Variants in CIDEC observed in about 807,000 individuals in gnomAD.
The protein encoded by CIDEC is cell death inducing DFFA like effector c, also known as lipid transferase CIDEC.
In CIDEC, 11 loss-of-function variants were observed where a neutral mutation model predicts 21.9. The observed-to-expected ratio is 0.50, with a 90% CI of 0.32 to 0.83. The LOEUF (loss-of-function observed/expected upper bound fraction) is 0.83. Ranked by LOEUF, CIDEC falls within the 40% of genes least tolerant of loss-of-function variation. The pLI is 0.04. For synonymous variants in CIDEC, 127 were observed against 124.9 expected, an observed-to-expected ratio of 1.02 and a Z score of -0.11; for missense variants, 302 against 302.3, an observed-to-expected ratio of 1.00 and a Z score of 0.01.
At chr3:9,868,385 G>T (rs1227542657) in intron 6 of CIDEC, among the ~76,000 whole-genome samples, 2 of 152,188 alleles carry the variant, frequency 1.3e-5, no homozygotes, top group Non-Finnish European at 2.9e-5. Context: ...ATCCATGCCT[G>T]GCATGAGCAT....
At position 9,869,869 on chromosome 3, in the gene CIDEC, C is replaced by T; in HGVS notation, c.554+13G>A. The T allele has an allele frequency of 1.9e-6, 3 of 1,611,966 alleles. No homozygotes were observed. Among genetic ancestry groups the T allele is most frequent in the Non-Finnish European group, 2.5e-6 (3 of 1,179,630 alleles). On this transcript the variant is annotated intron_variant, in intron 6 of 6. Transcript: ENST00000336832. ...GTACCCACCCTGTCCCCAGGAAATC[C>T]CAATTTGCTCACTTCATGATGCGCT...
intron 4 of CIDEC, among the ~76,000 whole-genome samples, chr3:9,870,932 G>A (rs1326151735): frequency 1.3e-5 from 2 of 151,282 alleles, no homozygotes; most frequent in Admixed American, 6.6e-5. Context: ...GTGCTATCAC[G>A]TCCGGACATA....
Position 9,870,053 on chromosome 3 carries a change from A to T in CIDEC, c.383T>A (p.Leu128Gln), listed in dbSNP as rs775886775. The change falls in exon 6 of 7, where the codon CTG becomes CAG. Residue 128 changes from leucine to glutamine, a missense_variant. By Grantham distance (113) the Leu-to-Gln change is moderately radical. Transcript: ENST00000336832. ...CTTGGCAGGCTTATGGGAGAGGGAC[A>T]GTGGGTGCCTTGTCCCCTGCATTGA... ...PPSEQGTRHP[L>Q]SLSHKPAKKI... 9 of 1,614,222 alleles carry T rather than the reference A, an allele frequency of 5.6e-6. No individual in the cohort carries two copies. Among genetic ancestry groups the T allele is most frequent in the South Asian group, 3.3e-5 (3 of 91,086 alleles).
At position 9,867,601 on chromosome 3, in the gene CIDEC, CAG is replaced by C. The variant is rs2082290342; in HGVS notation, c.555-307_555-306del. On this transcript the variant is annotated intron_variant, in intron 6 of 6. Transcript: ENST00000336832. ...CACCACTGCACTCCAGCCTGGGTGA[CAG>C]AGCAAGATTCAGTCTCAAAAAACAA... is the stretch of plus-strand genomic sequence containing the variant. Among the ~76,000 whole-genome samples the C allele has an allele frequency of 2.0e-5, 3 of 152,218 alleles. No homozygotes were observed. In the South Asian group the frequency reaches 6.2e-4, roughly 32 times the overall value.
chr3:9,871,873 G>A (rs1336566252), intron 4 of CIDEC, among the ~76,000 whole-genome samples: 4 of 152,144 alleles, frequency 2.6e-5, no homozygotes, highest in East Asian at 1.9e-4. Context: ...CAGTTGATCC[G>A]CCTGCCTCGG....
At chr3:9,867,321 A>T (rs760546939) in intron 6 of CIDEC, 25 bp from the exon 7 acceptor site, 1 of 1,613,548 alleles carries the variant, frequency 6.2e-7, no homozygotes, top group Non-Finnish European at 8.5e-7. Context: ...AGGGCACGCA[A>T]GTCAAAACCA....
chr3:9,875,492 C>G (rs2082411505), intron 4 of CIDEC, among the ~76,000 whole-genome samples: 1 of 151,746 alleles, frequency 6.6e-6, no homozygotes, highest in South Asian at 2.1e-4. Context: ...CAAGGAAACA[C>G]TGAAAAACTG....
intron 1 of CIDEC, 38 bp downstream of exon 1, chr3:9,880,186 A>C (rs1464530512): frequency 2.6e-5 from 4 of 152,098 alleles, no homozygotes; most frequent in African/African-American, 9.7e-5. Context: ...GCAAAGAAAA[A>C]AAAATCCCCA....
rs142220074 is a variant in CIDEC at position 9,878,851 on chromosome 3, C to T, written c.-26+91G>A. On this transcript the variant is annotated intron_variant, in intron 2 of 6. Coordinates refer to ENST00000336832, the MANE Select transcript of CIDEC (RefSeq NM_001321142.2). ...AACTCAGGGCTGAAGAAGCCTTGCC[C>T]GATTTGTTCCTGTCCATGGGGACAG... The T allele has an allele frequency of 8.3e-4, 1,265 of 1,531,138 alleles. 13 individuals carry two copies. In the African/African-American group the frequency reaches 0.015, roughly 19 times the overall value. 94.8% of individuals were successfully genotyped at this position (1,531,138 alleles called of 1,614,324 possible). A position where few individuals can be genotyped will look rare whatever the true frequency, so the allele number is the denominator to read the frequency against.
At chr3:9,876,343 G>A (rs564470256) in intron 4 of CIDEC, among the ~76,000 whole-genome samples, 1 of 152,158 alleles carries the variant, frequency 6.6e-6, no homozygotes, top group African/African-American at 2.4e-5. Flanking sequence ...GCGTGGTGGT[G>A]CATGCCTGTA....
chr3:9,876,316 A>T (rs2082421811), intron 4 of CIDEC, among the ~76,000 whole-genome samples: 1 of 151,750 alleles, frequency 6.6e-6, no homozygotes, highest in Admixed American at 6.6e-5. Context: ...TTTACTAAAA[A>T]TACAAAAATT....
Position 9,870,072 on chromosome 3 carries a change from G to C in CIDEC, c.367-3C>G. On this transcript the variant is annotated splice_region_variant and splice_polypyrimidine_tract_variant and intron_variant, in intron 5 of 6. Transcript: ENST00000336832. ...AGGGACAGTGGGTGCCTTGTCCCCTGCATTGAGACAAGCAAATGGTTAGCA... is the reference window on the plus strand; with the variant it reads ...AGGGACAGTGGGTGCCTTGTCCCCTCCATTGAGACAAGCAAATGGTTAGCA... 1.9e-6 allele frequency: 3 copies of C among 1,614,030 alleles called. No homozygotes were observed. The highest frequency in any genetic ancestry group is 2.5e-6 in the Non-Finnish European group (3 of 1,179,880).
At chr3:9,870,704 A>C (rs2125043823) in intron 4 of CIDEC, among the ~76,000 whole-genome samples, 1 of 152,310 alleles carries the variant, frequency 6.6e-6, no homozygotes, top group African/African-American at 2.4e-5. Context: ...ACATGACATA[A>C]TTGTAGCTCA....
rs1243862719 is a variant in CIDEC, at chr3:9,877,198, A to T, written c.75T>A (p.Ser25=). 1.3e-6 allele frequency: 2 copies of T among 1,550,512 alleles called. No individual in the cohort carries two copies. The highest frequency in any genetic ancestry group is 1.7e-6 in the Non-Finnish European group (2 of 1,147,096). Residue 25 remains serine (S), a synonymous_variant, in exon 4 of 7, where the codon TCT becomes TCA. Transcript: ENST00000336832. The part of the protein sequence containing the change: ...SLSRHVSVRT[S]VVTQQLLSEP... ...CCGACAGCAGCTGCTGGGTCACCAC[A>T]GAGGTACGCACTGACACATGCCTGG...
rs373988239 is a variant in CIDEC, at chr3:9,867,212, G to A, written c.639C>T (p.Leu213=). The A allele has an allele frequency of 8.7e-5, 140 of 1,613,982 alleles. No homozygotes were observed. The highest frequency in any genetic ancestry group is 1.1e-4 in the Non-Finnish European group (125 of 1,179,994). The change falls in exon 7 of 7, where the codon CTC becomes CTT. Residue 213 remains leucine, a synonymous_variant. Transcript: ENST00000336832. ...LGTSCYLQQL[L]DATEEGQPPK... ...GGGGCTGCCCTTCCTCCGTAGCATC[G>A]AGGAGCTGCTGCAGGTAACAGGAGG...
chr3:9,871,963 T>C (rs1004677434), intron 4 of CIDEC, among the ~76,000 whole-genome samples: 1 of 151,754 alleles, frequency 6.6e-6, no homozygotes, highest in Non-Finnish European at 1.5e-5. Flanking sequence ...TGTTTTGTTT[T>C]TGGTTTTGTT....
intron 4 of CIDEC, among the ~76,000 whole-genome samples, chr3:9,871,479 A>G (rs1218103595): frequency 6.6e-6 from 1 of 151,250 alleles, no homozygotes; most frequent in African/African-American, 2.4e-5. Flanking sequence ...GAGCCACCAC[A>G]ATGGGCCTAT....
Position 9,867,146 on chromosome 3 carries a change from C to T in CIDEC, c.705G>A (p.Lys235=), listed in dbSNP as rs759454363. The change falls in exon 7 of 7, where the codon AAG becomes AAA. Residue 235 remains lysine (K), a synonymous_variant. Transcript: ENST00000336832. The part of the protein sequence containing the change: ...KASSLIPTCL[K]ILQ ...AGGACTTGGGCTTTCACTGCAGTATCTTCAGACAGGTCGGGATAAGGGATG... is the reference window on the plus strand; with the variant it reads ...AGGACTTGGGCTTTCACTGCAGTATTTTCAGACAGGTCGGGATAAGGGATG... 6 of 1,613,362 alleles carry T rather than the reference C, an allele frequency of 3.7e-6. No homozygotes were observed. The highest frequency in any genetic ancestry group is 5.1e-6 in the Non-Finnish European group (6 of 1,180,050).
chr3:9,875,895 C>CA (rs1458093582), intron 4 of CIDEC, among the ~76,000 whole-genome samples: 3 of 151,932 alleles, frequency 2.0e-5, no homozygotes, highest in African/African-American at 7.2e-5. Flanking sequence ...GACCTCAGGG[C>CA]AAAAAAACAG....
Sources: allele counts gnomAD v4.1 joint callset (sites outside exome capture counted in the v4.1 genomes callset), GRCh38; gene constraint gnomAD v4.1.1; transcripts MANE v1.5; gene names NCBI Gene and HGNC (gene_info 2026-07-23, HGNC 2026-07-21).